Variants in SSUH2 observed in about 807,000 individuals in gnomAD.
SSUH2 encodes the protein ssu-2 homolog.
SSUH2 carries 47 observed loss-of-function variants against 55.3 expected under a neutral mutation model. The ratio of observed to expected loss-of-function variants is 0.85; its 90% confidence interval spans 0.67 to 1.08. The LOEUF (loss-of-function observed/expected upper bound fraction) is 1.08. Among genes scored for constraint, SSUH2 ranks in the 50% least tolerant of loss-of-function variants. The pLI is 0.00. For synonymous variants in SSUH2, 212 were observed against 191.5 expected, an observed-to-expected ratio of 1.11 and a Z score of -0.89; for missense variants, 535 against 490.7, an observed-to-expected ratio of 1.09 and a Z score of -0.85.
intron 5 of SSUH2, among the ~76,000 whole-genome samples, chr3:8,664,812 G>C (rs1181641700): frequency 6.6e-6 from 1 of 152,150 alleles, no homozygotes; most frequent in East Asian, 1.9e-4. Context: ...AGCAAATTAA[G>C]GCATACAGAA....
chr3:8,666,776 G>A (rs1704033427), intron 5 of SSUH2, among the ~76,000 whole-genome samples: 2 of 152,114 alleles, frequency 1.3e-5, no homozygotes, highest in Admixed American at 6.5e-5. Flanking sequence ...ACACCACTCC[G>A]GACACCAGTT....
intron 5 of SSUH2, among the ~76,000 whole-genome samples, chr3:8,670,640 C>T (rs776374183): frequency 5.3e-5 from 8 of 151,790 alleles, no homozygotes; most frequent in Admixed American, 3.9e-4. Context: ...AGGAGTAACA[C>T]CCCCGAGGAT....
chr3:8,629,633 C>CTGACTCACCAGTGGCTCACAGA, intron 7 of SSUH2, 31 bp downstream of exon 7: 1 of 1,587,726 alleles, frequency 6.3e-7, no homozygotes, highest in Non-Finnish European at 8.6e-7. Context: ...CACACCCTCA[C>CTGACTCACCAGTGGCTCACAGA]TGACTCACCA....
upstream of SSUH2, among the ~76,000 whole-genome samples, chr3:8,647,703 A>T (rs1455593219): frequency 6.6e-6 from 1 of 152,208 alleles, no homozygotes; most frequent in African/African-American, 2.4e-5. Flanking sequence ...TGCTCCCTGC[A>T]CATCCACCAG....
At chr3:8,679,099 T>A in intron 2 of SSUH2, among the ~76,000 whole-genome samples, 1 of 64,236 alleles carries the variant, frequency 1.6e-5, no homozygotes, top group South Asian at 5.9e-4. Context: ...AGCACCTCTT[T>A]CCCCCCTGGC....
Position 8,627,743 on chromosome 3 carries a change from T to G in SSUH2, c.629A>C (p.Lys210Thr). 6.2e-7 allele frequency: 1 copy of G among 1,610,850 alleles called. No individual in the cohort carries two copies. The highest frequency in any genetic ancestry group is 8.5e-7 in the Non-Finnish European group (1 of 1,178,648). Residue 210 changes from lysine (K) to threonine (T), a missense_variant, in exon 8 of 12, where the codon AAG (lysine) becomes ACG (threonine). Physicochemically the swap from Lys to Thr is moderately conservative, Grantham distance 78. Transcript: ENST00000544814. ...PSCCGAKRKA[K>T]QSRRCQLCAG... ...GCACAGCTGACATCTCCGGGACTGC[T>G]TGGCTTTGCGCTTGGCTCCGCAGCA...
At chr3:8,676,286 C>G (rs1233369156) in intron 3 of SSUH2, among the ~76,000 whole-genome samples, 1 of 152,048 alleles carries the variant, frequency 6.6e-6, no homozygotes, top group African/African-American at 2.4e-5. Flanking sequence ...ATATTAAGAA[C>G]AGTATCACAA....
chr3:8,680,648 G>C lies in SSUH2; in HGVS notation c.-1045-799C>G, dbSNP rs181936018. Among the ~76,000 whole-genome samples the C allele has an allele frequency of 2.2e-3, 328 of 152,088 alleles. 2 individuals carry two copies. The highest frequency in any genetic ancestry group is 3.7e-3 in the Admixed American group (56 of 15,286). ...ATATCATCTTCTTCCCTCCAGGATC[G>C]TGGGTACAACATCCCTGGGGGTTTC... On this transcript the variant is annotated intron_variant, in intron 1 of 18. Transcript: ENST00000317371.
At chr3:8,629,767 G>C (rs1418862238) in intron 6 of SSUH2, 41 bp from the exon 7 acceptor site, 3 of 1,590,874 alleles carry the variant, frequency 1.9e-6, no homozygotes, top group Non-Finnish European at 2.6e-6. Context: ...TTTCCCAAGG[G>C]CCACTTCTCC....
intron 1 of SSUH2, chr3:8,679,927 T>C (rs768672622): frequency 5.3e-5 from 8 of 152,208 alleles, no homozygotes; most frequent in Admixed American, 1.3e-4. Flanking sequence ...CTTTGCAGTA[T>C]TAGCCAAGCC....
chr3:8,669,734 A>C (rs989295495), intron 5 of SSUH2, among the ~76,000 whole-genome samples: 1 of 151,854 alleles, frequency 6.6e-6, no homozygotes, highest in East Asian at 1.9e-4. Context: ...CCATAATCTC[A>C]ATCTATCAAA....
intron 2 of SSUH2, among the ~76,000 whole-genome samples, chr3:8,678,162 C>T (rs1705566775): frequency 6.6e-6 from 1 of 152,026 alleles, no homozygotes. Flanking sequence ...TGGGGGTTTC[C>T]ACTTTCTGCC....
intron 2 of SSUH2, 142 bp from the exon 3 acceptor site, chr3:8,635,523 C>T: frequency 1.3e-6 from 1 of 747,564 alleles, no homozygotes; most frequent in East Asian, 2.7e-5. Flanking sequence ...AGAATGGGGA[C>T]TCCAAGACCA....
intron 2 of SSUH2, among the ~76,000 whole-genome samples, chr3:8,679,031 TC>T: frequency 2.9e-5 from 3 of 103,748 alleles, no homozygotes; most frequent in Admixed American, 1.9e-4. Flanking sequence ...CCCCCCTGGC[TC>T]TTAGGACACC....
chr3:8,681,087 G>A (rs1428743871), intron 1 of SSUH2, among the ~76,000 whole-genome samples: 1 of 101,510 alleles, frequency 9.9e-6, no homozygotes, highest in African/African-American at 2.8e-5. Flanking sequence ...ATAGCAGGGG[G>A]GAGAGGCACC....
chr3:8,629,452 G>C, intron 7 of SSUH2: 1 of 567,752 alleles, frequency 1.8e-6, no homozygotes, highest in Non-Finnish European at 3.1e-6. Context: ...AATTAAAATC[G>C]AACTGTCAAA....
intron 3 of SSUH2, among the ~76,000 whole-genome samples, chr3:8,673,836 A>T (rs1000373416): frequency 9.9e-5 from 15 of 152,166 alleles, no homozygotes; most frequent in African/African-American, 2.9e-4. Context: ...AGCATTAAAG[A>T]CGGGAGCTCA....
At chr3:8,673,122 A>G (rs971062287) in intron 3 of SSUH2, among the ~76,000 whole-genome samples, 1 of 152,042 alleles carries the variant, frequency 6.6e-6, no homozygotes, top group Non-Finnish European at 1.5e-5. Flanking sequence ...AATATTAATT[A>G]TTACAAGCTA....
chr3:8,631,963 G>C, intron 5 of SSUH2, 86 bp downstream of exon 5: 1 of 1,051,284 alleles, frequency 9.5e-7, no homozygotes, highest in Non-Finnish European at 1.5e-6. Flanking sequence ...TATTTGAGAT[G>C]AGTGCCTGAG....
Sources: allele counts gnomAD v4.1 joint callset (sites outside exome capture counted in the v4.1 genomes callset), GRCh38; gene constraint gnomAD v4.1.1; transcripts MANE v1.5; gene names NCBI Gene and HGNC (gene_info 2026-07-23, HGNC 2026-07-21).